Variants in SNRNP40 observed in about 807,000 individuals in gnomAD.
The protein encoded by SNRNP40 is U5 small nuclear ribonucleoprotein 40 kDa protein.
SNRNP40 carries 21 observed loss-of-function variants against 45.8 expected under a neutral mutation model. That is an observed-to-expected ratio of 0.46 (90% CI 0.32 to 0.66). The LOEUF (loss-of-function observed/expected upper bound fraction) is 0.66. SNRNP40 is among the 30% of genes least tolerant of loss of function. SNRNP40 has a pLI of 0.03. For missense variants in SNRNP40, 344 were observed against 439.1 expected (o/e 0.78, Z 1.94); for synonymous variants, 142 against 163.8 (o/e 0.87, Z 1.01).
At chr1:31,296,083 A>G (rs1280295776) in intron 1 of SNRNP40, among the ~76,000 whole-genome samples, 3 of 152,220 alleles carry the variant, frequency 2.0e-5, no homozygotes, top group Non-Finnish European at 4.4e-5. Flanking sequence ...AACGTTCCTA[A>G]CAGGCTGCTA....
chr1:31,280,627 G>C (rs1646010406), intron 5 of SNRNP40, among the ~76,000 whole-genome samples: 1 of 152,196 alleles, frequency 6.6e-6, no homozygotes, highest in Non-Finnish European at 1.5e-5. Flanking sequence ...CCCCAAGGAA[G>C]CCAAGAGGAA....
chr1:31,259,846 C>G lies in SNRNP40; in HGVS notation c.*226G>C. 1.5e-6 allele frequency: 1 copy of G among 682,732 alleles called. No homozygotes were observed. The highest frequency in any genetic ancestry group is 2.3e-4 in the Middle Eastern group (1 of 4,258). The allele number at this position is 682,732 out of a possible 1,614,324, so 42.3% of individuals were successfully genotyped here. ...AAAGAAAAAGAAAAAAAAAAACAGTCCCTGAAATCTGGCAGGTGGTTTTTA... is the reference window on the plus strand; with the variant it reads ...AAAGAAAAAGAAAAAAAAAAACAGTGCCTGAAATCTGGCAGGTGGTTTTTA... On this transcript the variant is annotated 3_prime_UTR_variant, in exon 10 of 10. Transcript: ENST00000263694.
intron 1 of SNRNP40, among the ~76,000 whole-genome samples, 184 bp downstream of exon 1, chr1:31,296,427 G>A (rs533432734): frequency 2.2e-4 from 34 of 152,358 alleles, no homozygotes; most frequent in African/African-American, 7.5e-4. Flanking sequence ...GCGCCAAACG[G>A]GGGAACACGT....
chr1:31,269,344 C>T (rs780533390), intron 6 of SNRNP40, 104 bp from the exon 7 acceptor site: 3 of 1,534,324 alleles, frequency 2.0e-6, no homozygotes, highest in East Asian at 2.4e-5. Context: ...ATGGCAGATG[C>T]TGTTTCCTCG....
At chr1:31,279,831 G>A (rs531080197) in intron 5 of SNRNP40, among the ~76,000 whole-genome samples, 3 of 151,564 alleles carry the variant, frequency 2.0e-5, no homozygotes, top group East Asian at 2.0e-4. Flanking sequence ...CCTTTAGGCC[G>A]GGCACGGTGG....
intron 4 of SNRNP40, among the ~76,000 whole-genome samples, chr1:31,285,797 T>C (rs1646053486): frequency 3.3e-5 from 5 of 152,164 alleles, no homozygotes; most frequent in African/African-American, 1.2e-4. Flanking sequence ...AAGTTACAGG[T>C]CATCATCCCC....
At chr1:31,274,541 T>C (rs1017121421) in intron 5 of SNRNP40, among the ~76,000 whole-genome samples, 3 of 151,168 alleles carry the variant, frequency 2.0e-5, no homozygotes, top group Admixed American at 6.6e-5. Context: ...GCGCCTGGCC[T>C]GGCCTATATA....
At chr1:31,296,468 T>C in intron 1 of SNRNP40, 143 bp downstream of exon 1, 1 of 1,149,172 alleles carries the variant, frequency 8.7e-7, no homozygotes, top group Non-Finnish European at 1.2e-6. Context: ...GGGGAGCTTT[T>C]ACAGTGTTTA....
chr1:31,264,300 T>C (rs2148379910), intron 8 of SNRNP40, among the ~76,000 whole-genome samples: 1 of 152,366 alleles, frequency 6.6e-6, no homozygotes, highest in South Asian at 2.1e-4. Flanking sequence ...TCCATCTGTC[T>C]AGACTCCATG....
At chr1:31,270,248 T>C (rs899120736) in intron 6 of SNRNP40, among the ~76,000 whole-genome samples, 2 of 152,196 alleles carry the variant, frequency 1.3e-5, no homozygotes, top group East Asian at 3.8e-4. Flanking sequence ...GAATTTGTAA[T>C]TGTATTATGC....
chr1:31,278,961 G>C (rs1343164073), intron 5 of SNRNP40, among the ~76,000 whole-genome samples: 1 of 151,970 alleles, frequency 6.6e-6, no homozygotes, highest in Middle Eastern at 3.2e-3. Flanking sequence ...GGATAGGACA[G>C]TTTGTTGTCA....
intron 6 of SNRNP40, 80 bp downstream of exon 6, chr1:31,271,298 AT>A: frequency 7.1e-7 from 1 of 1,411,646 alleles, no homozygotes; most frequent in Non-Finnish European, 9.7e-7. Context: ...ATTACAACAC[AT>A]TCTAATCGTC....
rs1646087009 is a variant in SNRNP40 at position 31,289,480 on chromosome 1, T to C, written c.366-61A>G. On this transcript the variant is annotated intron_variant, in intron 3 of 9. Transcript: ENST00000263694. ...TGAAGATAAACAGTAACAATCTATC[T>C]TTCCTACTTGACAAAAGGTGCCAAA... is the stretch of plus-strand genomic sequence containing the variant. 1.3e-6 allele frequency: 2 copies of C among 1,507,608 alleles called. 1 individual carries two copies. The highest frequency in any genetic ancestry group is 2.3e-5 in the South Asian group (2 of 85,854). The allele number at this position is 1,507,608 out of a possible 1,614,324, so 93.4% of individuals were successfully genotyped here.
intron 4 of SNRNP40, among the ~76,000 whole-genome samples, chr1:31,283,912 G>GT (rs767094196): frequency 2.0e-5 from 3 of 152,088 alleles, no homozygotes; most frequent in Non-Finnish European, 4.4e-5. Flanking sequence ...GGACCTAAAT[G>GT]TAAGAGCTAA....
At chr1:31,271,579 T>C (rs1202112582) in intron 5 of SNRNP40, 80 bp from the exon 6 acceptor site, 26 of 1,371,642 alleles carry the variant, frequency 1.9e-5, no homozygotes, top group Non-Finnish European at 2.6e-5. Context: ...CAAGAGTCAA[T>C]TGCCCAGAGA....
Position 31,289,389 on chromosome 1 carries a change from G to A in SNRNP40, c.396C>T (p.Thr132=), listed in dbSNP as rs1401536057. 8.7e-6 allele frequency: 14 copies of A among 1,613,696 alleles called. No homozygotes were observed. Among genetic ancestry groups the A allele is most frequent in the Non-Finnish European group, 1.1e-5 (13 of 1,179,746 alleles). The change falls in exon 4 of 10, where the codon ACC becomes ACT. Residue 132 remains threonine, a synonymous_variant. Transcript: ENST00000263694. ...CTGTTTCACTATCCCACACAGCCAC[G>A]GTTTTATCTGTGGATGCTGAGAAAA... The part of the protein sequence containing the change: ...SMLFSASTDK[T]VAVWDSETGE...
At chr1:31,276,893 A>T (rs1645979630) in intron 5 of SNRNP40, among the ~76,000 whole-genome samples, 1 of 151,938 alleles carries the variant, frequency 6.6e-6, no homozygotes, top group East Asian at 1.9e-4. Flanking sequence ...TATTAGTGGG[A>T]CGTGGTGGCG....
At chr1:31,291,863 C>G in intron 3 of SNRNP40, 50 bp downstream of exon 3, 1 of 1,241,728 alleles carries the variant, frequency 8.1e-7, no homozygotes, top group Non-Finnish European at 1.2e-6. Context: ...GGTGAAAGGA[C>G]GCCAAGAATT....
At chr1:31,269,554 T>A in intron 6 of SNRNP40, 1 of 476,988 alleles carries the variant, frequency 2.1e-6, no homozygotes, top group Non-Finnish European at 3.5e-6. Flanking sequence ...AAGATTTCTC[T>A]GCCAGCTTAG....
Sources: allele counts gnomAD v4.1 joint callset (sites outside exome capture counted in the v4.1 genomes callset), GRCh38; gene constraint gnomAD v4.1.1; transcripts MANE v1.5; gene names NCBI Gene and HGNC (gene_info 2026-07-23, HGNC 2026-07-21).